Variants in RERE observed in about 807,000 individuals in gnomAD.
RERE encodes arginine-glutamic acid dipeptide repeats, also known as arginine-glutamic acid dipeptide repeats protein.
Under a neutral mutation model 146.1 loss-of-function variants are expected in RERE, and 40 were observed. That is an observed-to-expected ratio of 0.27 (90% confidence interval 0.21 to 0.36). The LOEUF (loss-of-function observed/expected upper bound fraction) is 0.36, where lower values mean the gene tolerates loss of function less well. RERE is among the 10% of genes least tolerant of loss of function. RERE has a pLI of 1.00. For missense variants in RERE, 1,933 were observed against 2,138.7 expected (o/e 0.90, Z 1.90); for synonymous variants, 1,003 against 866.0 (o/e 1.16, Z -2.78).
chr1:8,496,038 C>T (rs1410196032), intron 9 of RERE, among the ~76,000 whole-genome samples: 4 of 151,672 alleles, frequency 2.6e-5, no homozygotes, highest in African/African-American at 9.7e-5. Flanking sequence ...TGGTGCATGC[C>T]TGTAGTCCTA....
chr1:8,373,371 C>CT (rs1233322513), intron 12 of RERE, among the ~76,000 whole-genome samples: 1 of 152,180 alleles, frequency 6.6e-6, no homozygotes, highest in Admixed American at 6.5e-5. Flanking sequence ...CTGGCTCCTT[C>CT]TTTGGTGGTC....
At position 8,358,381 on chromosome 1, in the gene RERE, TG is replaced by T; in HGVS notation, c.4153del (p.Gln1385SerfsTer6). The T allele has an allele frequency of 6.2e-7, 1 of 1,608,390 alleles. No homozygotes were observed. On this transcript the variant is annotated frameshift_variant, in exon 20 of 23. Transcript: ENST00000400908. LOFTEE classifies it high-confidence loss of function. ...ERERLALAGP[Q>X]LRPEMSYPDR... ...AGGGTAGCTCATCTCGGGCCGCAGC[TG>T]GGGGCCCGCCAGGGCCAGTCTCTCC...
chr1:8,418,392 AG>A (rs1024950850), intron 12 of RERE, among the ~76,000 whole-genome samples: 1 of 152,208 alleles, frequency 6.6e-6, no homozygotes. Flanking sequence ...ATCTCCCTCC[AG>A]GGGCTAACAC....
At chr1:8,699,454 TTC>T (rs1211405070) in intron 1 of RERE, among the ~76,000 whole-genome samples, 15 of 152,356 alleles carry the variant, frequency 9.8e-5, no homozygotes, top group Non-Finnish European at 1.6e-4. Flanking sequence ...ATCAACATTA[TTC>T]TGTTTTATTA....
At position 8,556,516 on chromosome 1, in the gene RERE, G is replaced by A; in HGVS notation, c.684C>T (p.Phe228=). 1.2e-6 allele frequency: 2 copies of A among 1,612,074 alleles called. No homozygotes were observed. Among genetic ancestry groups the A allele is most frequent in the Non-Finnish European group, 1.7e-6 (2 of 1,178,148 alleles). Residue 228 remains phenylalanine, a synonymous_variant, in exon 6 of 23, where the codon TTC becomes TTT. Coordinates refer to ENST00000400908, the MANE Select transcript of RERE (RefSeq NM_001042681.2). ...GGTAAGTGTCAACGTAATCAGAAAT[G>A]AAGAGCTCTCGGTTCTTGATAACTG... ...TDPVIKNREL[F]ISDYVDTYHA... is the part of the protein sequence containing the mutation.
At chr1:8,559,780 GAGA>G (rs1646056333) in intron 4 of RERE, among the ~76,000 whole-genome samples, 1 of 152,152 alleles carries the variant, frequency 6.6e-6, no homozygotes, top group Admixed American at 6.5e-5. Flanking sequence ...GGGAAATATG[GAGA>G]AGAACCTGAG....
At chr1:8,757,915 C>CAA (rs1217791302) in intron 1 of RERE, among the ~76,000 whole-genome samples, 3 of 117,302 alleles carry the variant, frequency 2.6e-5, no homozygotes, top group Non-Finnish European at 3.6e-5. Context: ...CATACATACA[C>CAA]ACACACACAC....
chr1:8,595,212 T>C lies in RERE; in HGVS notation c.522+19349A>G, dbSNP rs1570483176. Reference sequence around the variant, plus strand: ...GGATCTACCATGTTATCTGTGACTGTGGACTAACTTTTCTTTGGGTAAAAT... The same window carrying C: ...GGATCTACCATGTTATCTGTGACTGCGGACTAACTTTTCTTTGGGTAAAAT... On this transcript the variant is annotated intron_variant, in intron 4 of 22. Transcript: ENST00000400908. Among the ~76,000 whole-genome samples the C allele has an allele frequency of 2.0e-5, 3 of 151,808 alleles. No homozygotes were observed. The South Asian group carries it at 6.2e-4, about 32-fold the overall frequency.
chr1:8,584,402 C>G (rs1489627674), intron 4 of RERE, among the ~76,000 whole-genome samples: 1 of 152,018 alleles, frequency 6.6e-6, no homozygotes, highest in Non-Finnish European at 1.5e-5. Context: ...AAAAAATTAT[C>G]TGGGCATGAT....
intron 4 of RERE, among the ~76,000 whole-genome samples, chr1:8,581,242 G>A (rs1054766095): frequency 6.6e-6 from 1 of 152,248 alleles, no homozygotes; most frequent in East Asian, 1.9e-4. Flanking sequence ...GACCAATAAT[G>A]ATGGGCACTT....
At chr1:8,668,660 T>C (rs894247812) in intron 1 of RERE, among the ~76,000 whole-genome samples, 4 of 152,174 alleles carry the variant, frequency 2.6e-5, no homozygotes, top group African/African-American at 9.6e-5. Context: ...TGTTACAACA[T>C]GGGTGAACCT....
chr1:8,370,140 C>T (rs1570069249), intron 12 of RERE, among the ~76,000 whole-genome samples: 1 of 151,986 alleles, frequency 6.6e-6, no homozygotes, highest in Non-Finnish European at 1.5e-5. Context: ...TGCCCACAAG[C>T]AGGAGAATGG....
intron 11 of RERE, among the ~76,000 whole-genome samples, chr1:8,458,743 G>A (rs1274371358): frequency 6.6e-6 from 1 of 152,118 alleles, no homozygotes; most frequent in African/African-American, 2.4e-5. Context: ...AGAGCAAAAT[G>A]GGCATACTAA....
chr1:8,568,134 C>CA (rs200687441), intron 4 of RERE, among the ~76,000 whole-genome samples: 1,820 of 151,612 alleles, frequency 0.012, 34 homozygotes, highest in African/African-American at 0.042. Flanking sequence ...CAGAACAGAA[C>CA]AAAAAAAAGC....
At chr1:8,760,493 A>G (rs1354936527) in intron 1 of RERE, among the ~76,000 whole-genome samples, 1 of 152,224 alleles carries the variant, frequency 6.6e-6, no homozygotes, top group Non-Finnish European at 1.5e-5. Context: ...GGGACCTGGT[A>G]GAGGTGTGAG....
intron 1 of RERE, among the ~76,000 whole-genome samples, chr1:8,762,860 TA>T (rs1640781264): frequency 6.6e-6 from 1 of 152,158 alleles, no homozygotes; most frequent in South Asian, 2.1e-4. Flanking sequence ...AAATGAAGAC[TA>T]GGAGCTCAAA....
At chr1:8,373,979 G>A (rs1377490992) in intron 12 of RERE, among the ~76,000 whole-genome samples, 6 of 152,218 alleles carry the variant, frequency 3.9e-5, no homozygotes, top group Non-Finnish European at 8.8e-5. Flanking sequence ...AAAGGAGCCT[G>A]GCACTGTCAG....
chr1:8,409,534 T>C (rs914760150), intron 12 of RERE, among the ~76,000 whole-genome samples: 1 of 152,182 alleles, frequency 6.6e-6, no homozygotes, highest in African/African-American at 2.4e-5. Flanking sequence ...AGCAATGATT[T>C]TACCTTAAAA....
chr1:8,374,149 C>T (rs916949653), intron 12 of RERE, among the ~76,000 whole-genome samples: 3 of 152,152 alleles, frequency 2.0e-5, no homozygotes, highest in African/African-American at 4.8e-5. Context: ...CCGCCACCCA[C>T]GAGGAAGCCC....
Sources: gnomAD v4.1 joint callset for allele counts (sites outside exome capture counted in the v4.1 genomes callset) on GRCh38, gnomAD v4.1.1 for gene constraint, MANE v1.5 for transcripts, NCBI Gene and HGNC (gene_info 2026-07-23, HGNC 2026-07-21) for gene names.